AGAP4: variants seen among roughly 807,000 people sequenced by gnomAD.
The protein encoded by AGAP4 is ArfGAP with GTPase domain, ankyrin repeat and PH domain 4.
Under a neutral mutation model 60.7 loss-of-function variants are expected in AGAP4, and 13 were observed. That is an observed-to-expected ratio of 0.21 (90% CI 0.14 to 0.34). AGAP4 has a LOEUF of 0.34. AGAP4 is among the 10% of genes least tolerant of loss of function. AGAP4 has a pLI of 1.00. For missense variants in AGAP4, 169 were observed against 884.0 expected, an observed-to-expected ratio of 0.19 and a Z score of 10.26; for synonymous variants, 70 against 339.0, an observed-to-expected ratio of 0.21 and a Z score of 8.72.
intron 1 of AGAP4, among the ~76,000 whole-genome samples, chr10:45,852,612 CAG>C (rs1373612571): frequency 6.6e-6 from 1 of 151,430 alleles, no homozygotes; most frequent in African/African-American, 2.4e-5. Context: ...TTTCAAAAAT[CAG>C]AGGAGGGATG....
At chr10:45,837,089 A>C (rs1392003133) in intron 4 of AGAP4, among the ~76,000 whole-genome samples, 2 of 136,722 alleles carry the variant, frequency 1.5e-5, no homozygotes, top group Non-Finnish European at 3.2e-5. Flanking sequence ...CTGGTCTCGA[A>C]CTCCTGACCT....
chr10:45,830,481 CTTTT>C (rs1290897943), intron 6 of AGAP4, among the ~76,000 whole-genome samples: 3 of 96,378 alleles, frequency 3.1e-5, no homozygotes, highest in Non-Finnish European at 6.4e-5. Context: ...CAGCTTATTG[CTTTT>C]TTTGTTTGTT....
At chr10:45,827,444 G>C (rs4043090) in intron 7 of AGAP4, 54 bp from the exon 8 acceptor site, 1 of 674,784 alleles carries the variant, frequency 1.5e-6, no homozygotes, top group Non-Finnish European at 2.5e-6. Context: ...GGCTTGCAGG[G>C]TCCTATAGAC....
Position 45,847,258 on chromosome 10 carries a change from C to G in AGAP4, c.90G>C (p.Glu30Asp), listed in dbSNP as rs201317678. Residue 30 changes from glutamate to aspartate, a missense_variant, in exon 1 of 8, where the codon GAG becomes GAC. By Grantham distance (45) the Glu-to-Asp change is conservative. Transcript: ENST00000616763. ...QQGSVCPSES[E>D]IYEAGAGDRM... is the part of the protein sequence containing the mutation. ...TGTCCCCAGCTCCTGCCTCATAGAT[C>G]TCAGATTCAGAGGGACACACCGACC... The G allele has an allele frequency of 6.3e-7, 1 of 1,598,512 alleles. No homozygotes were observed. The highest frequency in any genetic ancestry group is 1.1e-5 in the South Asian group (1 of 90,994).
At position 45,827,104 on chromosome 10, in the gene AGAP4, T is replaced by G; in HGVS notation, c.872A>C (p.Lys291Thr). Residue 291 changes from lysine to threonine, a missense_variant, in exon 8 of 8, where the codon AAG becomes ACG. Transcript: ENST00000616763. ...AIPIKQGMLL[K>T]RSGKWLKTWK... Reference sequence around the variant, plus strand: ...TGTCTTCAGCCATTTCCCACTTCGCTTTAAGAGCATGCCCTGTTTAATGGG... The same window carrying G: ...TGTCTTCAGCCATTTCCCACTTCGCGTTAAGAGCATGCCCTGTTTAATGGG... 2.6e-6 allele frequency: 3 copies of G among 1,143,960 alleles called. No homozygotes were observed. Among genetic ancestry groups the G allele is most frequent in the Non-Finnish European group, 3.7e-6 (3 of 813,902 alleles). The allele number at this position is 1,143,960 out of a possible 1,614,324, so 70.9% of individuals were successfully genotyped here.
chr10:45,831,392 A>T lies in AGAP4; in HGVS notation c.533+2T>A, dbSNP rs2058729920. ...AACAAGACAGGTTTCTAAAAAGCTC[A>T]CCTTTGTGTGATATGATGAGGTATC... On this transcript the variant is annotated splice_donor_variant, in intron 6 of 7. Transcript: ENST00000616763. LOFTEE classifies it high-confidence loss of function. The T allele has an allele frequency of 6.3e-7, 1 of 1,585,912 alleles. No homozygotes were observed. Among genetic ancestry groups the T allele is most frequent in the African/African-American group, 1.4e-5 (1 of 73,720 alleles).
chr10:45,850,627 G>A (rs1253353053), upstream of AGAP4, among the ~76,000 whole-genome samples: 2 of 152,262 alleles, frequency 1.3e-5, no homozygotes, highest in African/African-American at 2.4e-5. Context: ...GGCAGTGGCA[G>A]TGACAAAAGC....
At chr10:45,850,545 C>G (rs1206700672), upstream of AGAP4, among the ~76,000 whole-genome samples, 1 of 152,070 alleles carries the variant, frequency 6.6e-6, no homozygotes, top group Non-Finnish European at 1.5e-5. Context: ...GTGTAGTGGT[C>G]TGTATAATAA....
chr10:45,846,689 T>A lies in AGAP4; in HGVS notation c.290A>T (p.Asp97Val), dbSNP rs1218711972. Residue 97 changes from aspartate to valine, a missense_variant and splice_region_variant, in exon 2 of 8, where the codon GAT becomes GTT. By Grantham distance (152) the Asp-to-Val change is radical. Transcript: ENST00000616763. ...AGCTACAGACACTGTTGTCTCACCA[T>A]CTGTTTGAGAGTTCCTCTGGAATAT... ...STIFQRNSQT[D>V]ALEFNPSANP... is the part of the protein sequence containing the mutation. 1.8e-6 allele frequency: 2 copies of A among 1,136,592 alleles called. No individual in the cohort carries two copies. Among genetic ancestry groups the A allele is most frequent in the South Asian group, 3.3e-5 (2 of 60,570 alleles). The allele number at this position is 1,136,592 out of a possible 1,614,324, so 70.4% of individuals were successfully genotyped here.
intron 1 of AGAP4, 103 bp downstream of exon 1, chr10:45,847,022 C>T (rs1301408639): frequency 1.3e-6 from 2 of 1,597,098 alleles, no homozygotes; most frequent in Non-Finnish European, 1.7e-6. Context: ...AAGCTGGCTA[C>T]AAGCAGAAAG....
upstream of AGAP4, among the ~76,000 whole-genome samples, chr10:45,849,349 A>T (rs1284793404): frequency 6.6e-6 from 1 of 151,752 alleles, no homozygotes; most frequent in African/African-American, 2.4e-5. Context: ...CCCTCGACAC[A>T]TCAGGATTAT....
chr10:45,832,274 A>C (rs1345793761), intron 5 of AGAP4, among the ~76,000 whole-genome samples: 2 of 146,204 alleles, frequency 1.4e-5, no homozygotes. Flanking sequence ...GGAAAGGACC[A>C]ATGACCTTAT....
At chr10:45,847,585 G>C (rs2059021204), upstream of AGAP4, 33 of 1,431,570 alleles carry the variant, frequency 2.3e-5, no homozygotes, top group Non-Finnish European at 2.9e-5. Context: ...GACTTGTCTG[G>C]GAGGGTGAAG....
upstream of AGAP4, among the ~76,000 whole-genome samples, chr10:45,848,333 TC>T (rs2059033204): frequency 7.1e-6 from 1 of 141,692 alleles, no homozygotes; most frequent in Admixed American, 7.2e-5. Context: ...CTCCCTTTTC[TC>T]CCCGCTATTT....
intron 4 of AGAP4, among the ~76,000 whole-genome samples, chr10:45,840,043 A>T (rs1461146407): frequency 1.4e-5 from 2 of 148,128 alleles, no homozygotes; most frequent in African/African-American, 2.5e-5. Flanking sequence ...CAGAGAAAAT[A>T]AAAAAAAAAA....
rs1194078394 is a variant in AGAP4, at chr10:45,846,425, A to G, written c.292+262T>C. Among the ~76,000 whole-genome samples, 4 of 152,046 alleles carry G rather than the reference A, an allele frequency of 2.6e-5. No homozygotes were observed. The East Asian group carries it at 7.7e-4, about 29-fold the overall frequency. ...TATAGCCTCTCCCATGGCAAACTCC[A>G]TTCTGATTTTAAATAAGAAATCCCC... is the stretch of plus-strand genomic sequence containing the variant. On this transcript the variant is annotated intron_variant, in intron 2 of 7. Transcript: ENST00000616763.
chr10:45,830,539 G>A (rs1409253226), intron 6 of AGAP4, among the ~76,000 whole-genome samples: 2 of 105,196 alleles, frequency 1.9e-5, no homozygotes, highest in Admixed American at 8.5e-5. Flanking sequence ...AGGCTGCAGT[G>A]CAATGGCACC....
intron 4 of AGAP4, among the ~76,000 whole-genome samples, chr10:45,839,533 C>T (rs1236360113): frequency 1.6e-5 from 2 of 128,946 alleles, no homozygotes; most frequent in Admixed American, 7.7e-5. Context: ...ACTTTCTTCG[C>T]TAACTCTGCT....
chr10:45,827,777 G>T (rs1481836664), intron 7 of AGAP4, among the ~76,000 whole-genome samples: 1 of 35,290 alleles, frequency 2.8e-5, no homozygotes, highest in Non-Finnish European at 7.1e-5. Context: ...CAGAAAGAGA[G>T]TCCATAAAAA....
Sources: gnomAD v4.1 joint callset for allele counts (sites outside exome capture counted in the v4.1 genomes callset) on GRCh38, gnomAD v4.1.1 for gene constraint, MANE v1.5 for transcripts, NCBI Gene and HGNC (gene_info 2026-07-23, HGNC 2026-07-21) for gene names.